The following PALLD variants were observed in gnomAD, a reference collection of about 807,000 sequenced individuals.
PALLD encodes palladin, cytoskeletal associated protein, also known as palladin.
Under a neutral mutation model 123.5 loss-of-function variants are expected in PALLD, and 61 were observed. The observed-to-expected ratio is 0.49, with a 90% CI of 0.40 to 0.61. The LOEUF (loss-of-function observed/expected upper bound fraction) is 0.61. Ranked by LOEUF, PALLD falls within the 20% of genes least tolerant of loss-of-function variation. PALLD has a pLI of 0.00. For synonymous variants in PALLD, 465 were observed against 496.4 expected (o/e 0.94, Z 0.84); for missense variants, 1,273 against 1,377.0 (o/e 0.92, Z 1.20).
intron 10 of PALLD, among the ~76,000 whole-genome samples, chr4:168,774,262 G>A (rs1199894229): frequency 6.6e-6 from 1 of 152,002 alleles, no homozygotes; most frequent in African/African-American, 2.4e-5. Flanking sequence ...TTCAAAGTCA[G>A]CATTGTATTA....
At chr4:168,534,767 C>A (rs572845558) in intron 2 of PALLD, among the ~76,000 whole-genome samples, 9 of 152,236 alleles carry the variant, frequency 5.9e-5, no homozygotes, top group Admixed American at 1.3e-4. Flanking sequence ...ACAGGGGCAC[C>A]AATTCTGTCT....
intron 2 of PALLD, among the ~76,000 whole-genome samples, chr4:168,617,525 G>A (rs1774347321): frequency 6.6e-6 from 1 of 152,148 alleles, no homozygotes; most frequent in Non-Finnish European, 1.5e-5. Flanking sequence ...CAAGCAGTAG[G>A]AAGATTATCT....
rs1046878792 is a variant in PALLD at position 168,594,889 on chromosome 4, A to T, written c.909-73301A>T. Among the ~76,000 whole-genome samples the T allele has an allele frequency of 6.6e-5, 10 of 152,176 alleles. No individual in the cohort carries two copies. The East Asian group carries it at 1.2e-3, about 18-fold the overall frequency. ...GTTAACATAACTAACTCTATGTGGA[A>T]TTGTCAGAGTTGCTATGGAAACTTT... On this transcript the variant is annotated intron_variant, in intron 2 of 21. Transcript: ENST00000505667.
chr4:168,746,615 C>T (rs6857155), intron 10 of PALLD, among the ~76,000 whole-genome samples: 84,397 of 151,788 alleles, frequency 0.56, 23,765 homozygotes, highest in African/African-American at 0.64. Context: ...CTTACGAGTA[C>T]TGTACCAATT....
chr4:168,684,679 C>A (rs1242748611), intron 5 of PALLD, among the ~76,000 whole-genome samples: 1 of 152,062 alleles, frequency 6.6e-6, no homozygotes, highest in Non-Finnish European at 1.5e-5. Flanking sequence ...AAAGTGAAAC[C>A]CAGACCTCTT....
In PALLD at chr4:168,801,129, T is replaced by A. The variant is rs1450158285; in HGVS notation, c.1964+89206T>A. 2.0e-5 allele frequency among the ~76,000 whole-genome samples: 3 copies of A among 152,278 alleles called. No homozygotes were observed. In the East Asian group the frequency reaches 5.8e-4, roughly 29 times the overall value. On this transcript the variant is annotated intron_variant, in intron 10 of 21. Transcript: ENST00000505667. ...GAAAGAAAATCAAGGAAATGATAACTCTGCAAGTCAGGATTGCGGTTACCC... is the reference window on the plus strand; with the variant it reads ...GAAAGAAAATCAAGGAAATGATAACACTGCAAGTCAGGATTGCGGTTACCC...
In PALLD at chr4:168,914,008, C is replaced by T. The variant is rs114673468; in HGVS notation, c.2704C>T (p.Pro902Ser). ...AAGTCCCCGGTCTCCCTCAGGCCAT[C>T]CTCATGTCAGAAGGTATTTAACATG... The part of the protein sequence containing the change: ...GRSPRSPSGH[P>S]HVRRPRSRSR... The change falls in exon 16 of 22, where the codon CCT becomes TCT. Residue 902 changes from proline to serine, a missense_variant. Pro to Ser is a moderately conservative substitution (Grantham distance 74, BLOSUM62 -1). Transcript: ENST00000505667. 13 of 1,600,892 alleles carry T rather than the reference C, an allele frequency of 8.1e-6. No individual in the cohort carries two copies. In the African/African-American group the frequency reaches 1.1e-4, roughly 13 times the overall value.
intron 2 of PALLD, among the ~76,000 whole-genome samples, chr4:168,645,798 C>T (rs1216453882): frequency 2.0e-5 from 3 of 152,086 alleles, no homozygotes; most frequent in South Asian, 4.2e-4. Context: ...CTAGTGCAAA[C>T]GGGGCTGCTC....
At chr4:168,739,675 C>T (rs987367981) in intron 10 of PALLD, among the ~76,000 whole-genome samples, 2 of 152,112 alleles carry the variant, frequency 1.3e-5, no homozygotes, top group African/African-American at 4.8e-5. Context: ...TCACATATCC[C>T]CCATTAATAT....
intron 1 of PALLD, among the ~76,000 whole-genome samples, chr4:168,498,223 T>C (rs1561173075): frequency 6.6e-6 from 1 of 152,210 alleles, no homozygotes; most frequent in Non-Finnish European, 1.5e-5. Flanking sequence ...AACTGCCCTG[T>C]AAATACATGA....
chr4:168,880,581 A>G (rs1296389888), intron 10 of PALLD, among the ~76,000 whole-genome samples: 1 of 152,240 alleles, frequency 6.6e-6, no homozygotes, highest in Non-Finnish European at 1.5e-5. Flanking sequence ...TGTCATTTGC[A>G]TTCTGAATTA....
chr4:168,808,315 CT>C (rs1484045381), intron 10 of PALLD, among the ~76,000 whole-genome samples: 2 of 151,566 alleles, frequency 1.3e-5, no homozygotes, highest in African/African-American at 4.8e-5. Flanking sequence ...CCTGTCTCTA[CT>C]AAAAATACAA....
chr4:168,536,549 A>G (rs1020779579), intron 2 of PALLD: 4 of 152,380 alleles, frequency 2.6e-5, no homozygotes, highest in African/African-American at 9.6e-5. Flanking sequence ...GAAACTTACA[A>G]TTATGGCGGA....
intron 10 of PALLD, among the ~76,000 whole-genome samples, chr4:168,871,827 T>C (rs2151084258): frequency 6.6e-6 from 1 of 152,308 alleles, no homozygotes; most frequent in Admixed American, 6.5e-5. Flanking sequence ...AGCCTGTCCC[T>C]TATCATATGC....
chr4:168,771,436 A>T (rs565557271), intron 10 of PALLD, among the ~76,000 whole-genome samples: 2 of 152,200 alleles, frequency 1.3e-5, no homozygotes, highest in Non-Finnish European at 2.9e-5. Context: ...GGGCTGCAAC[A>T]AGCCTTGCTC....
chr4:168,555,529 C>A (rs11132323), intron 2 of PALLD, among the ~76,000 whole-genome samples: 17,848 of 152,166 alleles, frequency 0.12, 1,428 homozygotes, highest in Non-Finnish European at 0.17. Context: ...CCAGAGCAGC[C>A]TGGCGATTGT....
rs527573072 is a variant in PALLD at position 168,928,301 on chromosome 4, T to G, written c.*2121T>G. 9.2e-4 allele frequency: 158 copies of G among 171,166 alleles called. 1 individual carries two copies. Among genetic ancestry groups the G allele is most frequent in the African/African-American group, 3.8e-3 (155 of 40,476 alleles). 10.6% of individuals were successfully genotyped at this position (171,166 alleles called of 1,614,324 possible). ...CTGGGTTTGGGATTAACTAGCATTA[T>G]TTTGCCACCTTTATATTGTATTTAT... On this transcript the variant is annotated 3_prime_UTR_variant, in exon 22 of 22. Coordinates refer to ENST00000505667, the MANE Select transcript of PALLD (RefSeq NM_001166108.2).
intron 10 of PALLD, among the ~76,000 whole-genome samples, chr4:168,803,529 CA>C (rs1386978787): frequency 2.0e-5 from 3 of 151,678 alleles, no homozygotes; most frequent in Admixed American, 1.3e-4. Context: ...TACCAATAAT[CA>C]AAAAAATTAG....
rs1762705032 is a variant in PALLD, at chr4:168,927,452, T to A, written c.*1272T>A. On this transcript the variant is annotated 3_prime_UTR_variant, in exon 22 of 22. Coordinates refer to ENST00000505667, the MANE Select transcript of PALLD (RefSeq NM_001166108.2). ...AGTGTGTCTGAGGTTTGTGTAGTAG[T>A]GGAAGATTTTAGGTATGTAGAGCAA... 4.3e-6 allele frequency: 1 copy of A among 232,712 alleles called. No homozygotes were observed. The highest frequency in any genetic ancestry group is 8.5e-6 in the Non-Finnish European group (1 of 117,760). The allele number at this position is 232,712 out of a possible 1,614,324, so 14.4% of individuals were successfully genotyped here.
Sources: allele counts gnomAD v4.1 joint callset (sites outside exome capture counted in the v4.1 genomes callset), GRCh38; gene constraint gnomAD v4.1.1; transcripts MANE v1.5; gene names NCBI Gene and HGNC (gene_info 2026-07-23, HGNC 2026-07-21).